Variants in FOXN3 observed in about 807,000 individuals in gnomAD.
FOXN3 encodes forkhead box N3.
Under a neutral mutation model 38.4 loss-of-function variants are expected in FOXN3, and 7 were observed. That is an observed-to-expected ratio of 0.18 (90% CI 0.10 to 0.34). FOXN3 has a LOEUF of 0.34. Among genes scored for constraint, FOXN3 ranks in the 10% least tolerant of loss-of-function variants. The pLI, the probability that FOXN3 is intolerant of heterozygous loss-of-function variation, is 1.00. For synonymous variants in FOXN3, 230 were observed against 242.2 expected, an observed-to-expected ratio of 0.95 and a Z score of 0.47; for missense variants, 456 against 613.4, an observed-to-expected ratio of 0.74 and a Z score of 2.71.
At chr14:89,523,598 T>C (rs1247403464) in intron 1 of FOXN3, among the ~76,000 whole-genome samples, 1 of 152,140 alleles carries the variant, frequency 6.6e-6, no homozygotes, top group Non-Finnish European at 1.5e-5. Context: ...AAATAATCCA[T>C]GGATCAAAGA....
intron 2 of FOXN3, among the ~76,000 whole-genome samples, chr14:89,399,568 G>A (rs776759762): frequency 1.3e-4 from 20 of 152,118 alleles, no homozygotes; most frequent in African/African-American, 4.8e-4. Context: ...GCAACCAAAT[G>A]TACCCTTGAC....
intron 2 of FOXN3, among the ~76,000 whole-genome samples, chr14:89,363,087 A>G (rs1045007802): frequency 4.6e-5 from 7 of 152,158 alleles, no homozygotes; most frequent in Non-Finnish European, 8.8e-5. Context: ...AACAGAGGAC[A>G]AAAGAGATGA....
chr14:89,513,903 C>G (rs1894147757), intron 1 of FOXN3, among the ~76,000 whole-genome samples: 1 of 129,784 alleles, frequency 7.7e-6, no homozygotes, highest in Non-Finnish European at 1.7e-5. Context: ...CTCTTTCTCT[C>G]TTACACACAC....
chr14:89,207,641 G>C (rs577940242), intron 4 of FOXN3, among the ~76,000 whole-genome samples: 5 of 152,172 alleles, frequency 3.3e-5, no homozygotes, highest in African/African-American at 9.6e-5. Flanking sequence ...AGTATACAAG[G>C]GTTCATGATT....
At chr14:89,220,182 C>T (rs1033485348) in intron 4 of FOXN3, among the ~76,000 whole-genome samples, 2 of 152,256 alleles carry the variant, frequency 1.3e-5, no homozygotes, top group South Asian at 4.2e-4. Context: ...GATTCATTTG[C>T]GGCCTCCCTT....
chr14:89,551,470 T>C (rs1895004300), intron 1 of FOXN3, among the ~76,000 whole-genome samples: 2 of 152,084 alleles, frequency 1.3e-5, no homozygotes, highest in Non-Finnish European at 2.9e-5. Flanking sequence ...ACTAGATCAC[T>C]ACAACCCATC....
intron 2 of FOXN3, among the ~76,000 whole-genome samples, chr14:89,389,904 GT>G (rs376754404): frequency 2.2e-4 from 33 of 151,630 alleles, no homozygotes; most frequent in African/African-American, 6.8e-4. Flanking sequence ...ATAAATCCTT[GT>G]TTTTCACTTT....
intron 4 of FOXN3, among the ~76,000 whole-genome samples, chr14:89,265,975 A>G (rs1885967680): frequency 6.6e-6 from 1 of 152,150 alleles, no homozygotes; most frequent in African/African-American, 2.4e-5. Context: ...GGAGGAGTGC[A>G]GGGTGGGACA....
chr14:89,286,828 C>T lies in FOXN3; in HGVS notation c.681-5814G>A, dbSNP rs756669097. On this transcript the variant is annotated intron_variant, in intron 3 of 5. Transcript: ENST00000557258. ...GGAAGCTTCACAAAATACCACTCAC[C>T]GTTTGAGAAGCATCACTAAGAACAC... Among the ~76,000 whole-genome samples the T allele has an allele frequency of 4.6e-5, 7 of 152,182 alleles. No individual in the cohort carries two copies. The East Asian group carries it at 5.8e-4, about 13-fold the overall frequency.
chr14:89,618,561 A>T (rs927317877), intron 1 of FOXN3, among the ~76,000 whole-genome samples: 5 of 151,412 alleles, frequency 3.3e-5, no homozygotes, highest in Admixed American at 2.0e-4. Flanking sequence ...TGCGACAGCA[A>T]TGCTGTAAAC....
chr14:89,373,414 G>A (rs2140058437), intron 2 of FOXN3, among the ~76,000 whole-genome samples: 1 of 122,096 alleles, frequency 8.2e-6, no homozygotes, highest in South Asian at 2.8e-4. Flanking sequence ...TTCAGAGGAA[G>A]TATTTTGCAA....
chr14:89,362,515 A>T (rs1596225254), intron 2 of FOXN3, among the ~76,000 whole-genome samples: 1 of 2,250 alleles, frequency 4.4e-4, no homozygotes, highest in Non-Finnish European at 1.1e-3. Flanking sequence ...CACCACCACC[A>T]CCATCTCTAC....
At chr14:89,432,916 A>G (rs952832063) in intron 1 of FOXN3, among the ~76,000 whole-genome samples, 2 of 152,106 alleles carry the variant, frequency 1.3e-5, no homozygotes, top group Admixed American at 1.3e-4. Flanking sequence ...CCTGGGCTCA[A>G]GCGATTCTCC....
intron 1 of FOXN3, among the ~76,000 whole-genome samples, chr14:89,445,946 G>C (rs1419825200): frequency 6.6e-6 from 1 of 151,006 alleles, no homozygotes; most frequent in East Asian, 2.0e-4. Context: ...GCCAGGCATG[G>C]TGGGGGGTGG....
chr14:89,231,293 C>T (rs1181245007), intron 4 of FOXN3, among the ~76,000 whole-genome samples: 1 of 152,116 alleles, frequency 6.6e-6, no homozygotes, highest in Non-Finnish European at 1.5e-5. Context: ...TTACCCATAT[C>T]CCATATAATG....
intron 1 of FOXN3, among the ~76,000 whole-genome samples, chr14:89,592,105 A>T (rs752330278): frequency 3.3e-5 from 5 of 152,184 alleles, no homozygotes; most frequent in Non-Finnish European, 7.3e-5. Context: ...AATAAAACAT[A>T]TGAAGGAAAA....
At chr14:89,392,789 G>GACC (rs35593887) in intron 2 of FOXN3, among the ~76,000 whole-genome samples, 54,950 of 148,464 alleles carry the variant, frequency 0.37, 12,514 homozygotes, top group Admixed American at 0.52. Flanking sequence ...TACAGGTACA[G>GACC]ACCACCACGC....
intron 2 of FOXN3, among the ~76,000 whole-genome samples, chr14:89,385,807 CA>C (rs1176788605): frequency 6.6e-6 from 1 of 152,154 alleles, no homozygotes; most frequent in Non-Finnish European, 1.5e-5. Flanking sequence ...AACTCTGTCT[CA>C]AAAAACAAGG....
chr14:89,348,665 TC>T (rs369339729), intron 3 of FOXN3, among the ~76,000 whole-genome samples: 9 of 151,860 alleles, frequency 5.9e-5, no homozygotes, highest in East Asian at 1.9e-4. Context: ...TGGTTTTTTT[TC>T]CCCCCTCAGT....
Sources: allele counts gnomAD v4.1 joint callset (sites outside exome capture counted in the v4.1 genomes callset), GRCh38; gene constraint gnomAD v4.1.1; transcripts MANE v1.5; gene names NCBI Gene and HGNC (gene_info 2026-07-23, HGNC 2026-07-21).